The following TTLL10 variants were observed in gnomAD, a reference collection of about 807,000 sequenced individuals.
TTLL10 encodes inactive polyglycylase TTLL10.
Under a neutral mutation model 69.0 loss-of-function variants are expected in TTLL10, and 61 were observed. The observed-to-expected ratio is 0.88, with a 90% CI of 0.72 to 1.09. The LOEUF (loss-of-function observed/expected upper bound fraction) is 1.09. Among genes scored for constraint, TTLL10 ranks in the 50% least tolerant of loss-of-function variants. The pLI is 0.00. For synonymous variants in TTLL10, 408 were observed against 393.3 expected, an observed-to-expected ratio of 1.04 and a Z score of -0.44; for missense variants, 962 against 945.9, an observed-to-expected ratio of 1.02 and a Z score of -0.22.
chr1:1,195,640 C>T (rs1016817679), intron 13 of TTLL10, among the ~76,000 whole-genome samples: 6 of 150,162 alleles, frequency 4.0e-5, no homozygotes, highest in Middle Eastern at 3.5e-3. Context: ...CCACTGTGCC[C>T]GGCCCATACT....
chr1:1,195,930 C>T (rs199504873), intron 13 of TTLL10, among the ~76,000 whole-genome samples: 103 of 130,362 alleles, frequency 7.9e-4, no homozygotes, highest in East Asian at 1.2e-3. Flanking sequence ...GTGTGAGCCA[C>T]GCGCCCGACC....
At position 1,179,271 on chromosome 1, in the gene TTLL10, G is replaced by A. The variant is rs555277428; in HGVS notation, c.56G>A (p.Arg19Gln). The A allele has an allele frequency of 1.4e-5, 21 of 1,550,972 alleles. No homozygotes were observed. The East Asian group carries it at 2.0e-4, about 14-fold the overall frequency. The change falls in exon 4 of 16, where the codon CGA becomes CAA. Residue 19 changes from arginine (R) to glutamine (Q), a missense_variant. Transcript: ENST00000379289. Reference protein sequence around the residue: ...IHRRGPPTRTRAGFKRGKRPR... With the variant: ...IHRRGPPTRTQAGFKRGKRPR... ...CGCCGGGGACCACCCACTCGGACCC[G>A]AGCCGGCTTCAAGAGGGGCAAGAGG...
chr1:1,179,133 G>A, intron 3 of TTLL10, 56 bp from the exon 4 acceptor site: 2 of 1,227,754 alleles, frequency 1.6e-6, no homozygotes, highest in East Asian at 5.2e-5. Context: ...CAAGCACTGG[G>A]GCCTCGGGCC....
At chr1:1,193,516 T>C (rs1342133630) in intron 13 of TTLL10, among the ~76,000 whole-genome samples, 1 of 151,342 alleles carries the variant, frequency 6.6e-6, no homozygotes, top group East Asian at 2.0e-4. Flanking sequence ...CAGGCTGGAG[T>C]GCAGTGGCGT....
chr1:1,179,191 C>A lies in TTLL10; in HGVS notation c.-25C>A, dbSNP rs1477551462. The A allele has an allele frequency of 7.3e-6, 11 of 1,514,622 alleles. No homozygotes were observed. Among genetic ancestry groups the A allele is most frequent in the South Asian group, 1.3e-5 (1 of 78,060 alleles). 93.8% of individuals were successfully genotyped at this position (1,514,622 alleles called of 1,614,324 possible). On this transcript the variant is annotated splice_region_variant and 5_prime_UTR_variant, in exon 4 of 16. Coordinates refer to ENST00000379289, the MANE Select transcript of TTLL10 (RefSeq NM_001130045.2). ...TCAGAGCGGCATCTTCCCTTCAGGG[C>A]CCTCGCCCGGGCACCCCCCGGCCAA...
chr1:1,197,274 A>G (rs1034781701), intron 15 of TTLL10, 88 bp downstream of exon 15: 1 of 1,347,794 alleles, frequency 7.4e-7, no homozygotes, highest in Non-Finnish European at 1.0e-6. Flanking sequence ...AGACCCCCAC[A>G]GATGGGGCTC....
Position 1,182,383 on chromosome 1 carries a change from T to G in TTLL10, c.853T>G (p.Phe285Val). ...PQRVLRMEEF[F>V]PETYRLDLKH... is the part of the protein sequence containing the mutation. ...CAGGGTCCTGAGAATGGAAGAGTTT[T>G]TCCCAGAGACCTACCGCCTGGACCT... Residue 285 changes from phenylalanine (F) to valine (V), a missense_variant, in exon 10 of 16, where the codon TTC becomes GTC. Coordinates refer to ENST00000379289, the MANE Select transcript of TTLL10 (RefSeq NM_001130045.2). 1 of 1,613,872 alleles carries G rather than the reference T, an allele frequency of 6.2e-7. No individual in the cohort carries two copies. Among genetic ancestry groups the G allele is most frequent in the Admixed American group, 1.7e-5 (1 of 60,026 alleles).
chr1:1,183,410 A>T (rs112275111), intron 11 of TTLL10, among the ~76,000 whole-genome samples: 1 of 152,180 alleles, frequency 6.6e-6, no homozygotes, highest in African/African-American at 2.4e-5. Flanking sequence ...TCCTTCCCTG[A>T]GTGGGAAGGC....
At chr1:1,196,085 CTG>C (rs2100925146) in intron 13 of TTLL10, among the ~76,000 whole-genome samples, 1 of 148,702 alleles carries the variant, frequency 6.7e-6, no homozygotes, top group South Asian at 2.1e-4. Context: ...CTCACACTTT[CTG>C]TTAGTCCTTT....
chr1:1,184,406 G>A (rs183238461), intron 12 of TTLL10, among the ~76,000 whole-genome samples: 272 of 152,314 alleles, frequency 1.8e-3, no homozygotes, highest in Non-Finnish European at 1.4e-3. Flanking sequence ...GATGGGGTGC[G>A]GGTGGGCGTC....
At chr1:1,196,373 C>G in intron 13 of TTLL10, 1 of 536,172 alleles carries the variant, frequency 1.9e-6, no homozygotes, top group East Asian at 3.1e-5. Context: ...TTTCCTCACT[C>G]TCGTATCTCC....
intron 13 of TTLL10, among the ~76,000 whole-genome samples, chr1:1,186,061 C>T (rs1647292121): frequency 6.6e-6 from 1 of 151,824 alleles, no homozygotes; most frequent in South Asian, 2.1e-4. Flanking sequence ...TTTCAGGGTT[C>T]ATCCACGTAG....
At position 1,183,066 on chromosome 1, in the gene TTLL10, G is replaced by C; in HGVS notation, c.1088+19G>C. ...TGCAGAGGTGCGGCGGCGGGTGCCC[G>C]GAGGGGTGAGGGTCTGGGCTGGCTG... On this transcript the variant is annotated intron_variant, in intron 11 of 15. Transcript: ENST00000379289. The C allele has an allele frequency of 1.9e-6, 3 of 1,575,168 alleles. No homozygotes were observed. The highest frequency in any genetic ancestry group is 2.6e-6 in the Non-Finnish European group (3 of 1,160,924).
chr1:1,175,893 T>G (rs776151526), intron 3 of TTLL10: 1 of 417,250 alleles, frequency 2.4e-6, no homozygotes, highest in Admixed American at 2.6e-5. Context: ...AGGCTGCCGC[T>G]GTGCCGGTGG....
chr1:1,192,883 G>C (rs531680077), intron 13 of TTLL10, among the ~76,000 whole-genome samples: 3 of 147,770 alleles, frequency 2.0e-5, no homozygotes, highest in Non-Finnish European at 4.4e-5. Context: ...TGGTTACCGT[G>C]TGTGGTACAT....
chr1:1,197,404 C>T, intron 15 of TTLL10, 34 bp from the exon 16 acceptor site: 2 of 1,421,796 alleles, frequency 1.4e-6, no homozygotes, highest in Non-Finnish European at 1.9e-6. Flanking sequence ...CAGCCTCTGC[C>T]CCCCACTCAC....
chr1:1,179,068 C>T (rs1308352135), intron 3 of TTLL10, 121 bp from the exon 4 acceptor site: 10 of 651,850 alleles, frequency 1.5e-5, no homozygotes, highest in South Asian at 8.0e-5. Flanking sequence ...CTCAAGCCCA[C>T]GGCCCTGGGA....
At chr1:1,183,490 G>T (rs868461339) in intron 11 of TTLL10, among the ~76,000 whole-genome samples, 1 of 152,146 alleles carries the variant, frequency 6.6e-6, no homozygotes, top group African/African-American at 2.4e-5. Context: ...CCCGGCCCTC[G>T]TAGAGCCTCA....
chr1:1,196,847 T>G (rs1648249137), intron 14 of TTLL10, 131 bp downstream of exon 14: 1 of 782,234 alleles, frequency 1.3e-6, no homozygotes, highest in Non-Finnish European at 2.2e-6. Flanking sequence ...CATGCAGCCC[T>G]GGGGATGGGT....
Sources: allele counts gnomAD v4.1 joint callset (sites outside exome capture counted in the v4.1 genomes callset), GRCh38; gene constraint gnomAD v4.1.1; transcripts MANE v1.5; gene names NCBI Gene and HGNC (gene_info 2026-07-23, HGNC 2026-07-21).